PRPF6: variants seen among roughly 807,000 people sequenced by gnomAD.
PRPF6 encodes the protein pre-mRNA processing factor 6, also known as pre-mRNA-processing factor 6.
A neutral mutation model predicts 118.3 loss-of-function variants in PRPF6; 42 were observed. The ratio of observed to expected loss-of-function variants is 0.35; its 90% CI spans 0.28 to 0.46. The LOEUF (loss-of-function observed/expected upper bound fraction) is 0.46. PRPF6 is among the 20% of genes least tolerant of loss of function. The probability of loss-of-function intolerance (pLI) is 1.00; values close to 1 mark genes in which losing one functional copy is unlikely to be tolerated. For synonymous variants in PRPF6, 481 were observed against 485.1 expected (o/e 0.99, Z 0.11); for missense variants, 662 against 1,255.7 (o/e 0.53, Z 7.15).
intron 12 of PRPF6, among the ~76,000 whole-genome samples, chr20:64,021,830 TGTGTGTGTGC>T (rs2059266925): frequency 7.0e-6 from 1 of 142,638 alleles, no homozygotes; most frequent in Non-Finnish European, 1.5e-5. Context: ...GCCACAGCCC[TGTGTGTGTGC>T]GTGTGTATGC....
chr20:63,993,250 GTGTGTGTGTGTGTA>G (rs1569213260), intron 3 of PRPF6, among the ~76,000 whole-genome samples, 143 bp from the exon 4 acceptor site: 2 of 138,948 alleles, frequency 1.4e-5, no homozygotes, highest in African/African-American at 5.5e-5. Flanking sequence ...GTGTGTGTGT[GTGTGTGTGTGTGTA>G]TATGTATATA....
intron 1 of PRPF6, among the ~76,000 whole-genome samples, 177 bp downstream of exon 1, chr20:63,981,493 C>T (rs2059066856): frequency 6.6e-6 from 1 of 152,200 alleles, no homozygotes; most frequent in Non-Finnish European, 1.5e-5. Flanking sequence ...TGTGTGCACC[C>T]TGCTTGCCGC....
At chr20:64,024,795 C>G in intron 14 of PRPF6, 102 bp downstream of exon 14, 1 of 1,499,892 alleles carries the variant, frequency 6.7e-7, no homozygotes, top group Non-Finnish European at 9.0e-7. Context: ...GTGGCACGTG[C>G]TGTTGTTGGG....
rs778722070 is a variant in PRPF6, at chr20:64,001,209, A to G, written c.1156A>G (p.Ile386Val). Residue 386 changes from isoleucine (I) to valine (V), a missense_variant, in exon 9 of 21, where the codon ATT (isoleucine) becomes GTT (valine). Ile to Val is a conservative substitution (Grantham distance 29, BLOSUM62 3). Around this residue, in one of 10 missense-constraint regions of PRPF6, gnomAD observed 189 missense variants for 323.5 expected, o/e 0.58. Coordinates refer to ENST00000266079, the MANE Select transcript of PRPF6 (RefSeq NM_012469.4). ...CAGAGCCGCAGAGCTGGAAACGGAC[A>G]TTCGTGCAAAGAAGCGGGTTCTTCG... Reference protein sequence around the residue: ...YIRAAELETDIRAKKRVLRKA... With the variant: ...YIRAAELETDVRAKKRVLRKA... 2 of 1,614,258 alleles carry G rather than the reference A, an allele frequency of 1.2e-6. No homozygotes were observed. The highest frequency in any genetic ancestry group is 8.5e-7 in the Non-Finnish European group (1 of 1,180,044).
chr20:63,996,123 C>T (rs1362499338), intron 6 of PRPF6, among the ~76,000 whole-genome samples: 9 of 152,094 alleles, frequency 5.9e-5, no homozygotes, highest in Non-Finnish European at 8.8e-5. Flanking sequence ...TCAGATACCA[C>T]GAAGGAACAT....
intron 3 of PRPF6, among the ~76,000 whole-genome samples, chr20:63,987,512 T>G (rs898091329): frequency 6.6e-6 from 1 of 151,228 alleles, no homozygotes; most frequent in African/African-American, 2.4e-5. Context: ...GGCCCACAGC[T>G]CGTATCATAC....
At position 63,995,229 on chromosome 20, in the gene PRPF6, T is replaced by C. The variant is rs755861473; in HGVS notation, c.616-98T>C. The C allele has an allele frequency of 6.4e-4, 1,002 of 1,569,774 alleles. 2 individuals are homozygous for C. The highest frequency in any genetic ancestry group is 8.4e-4 in the Non-Finnish European group (961 of 1,148,552). On this transcript the variant is annotated intron_variant, in intron 5 of 20. Coordinates refer to ENST00000266079, the MANE Select transcript of PRPF6 (RefSeq NM_012469.4). ...CCGAGTCTGTCTGCACAGCTGTGCA[T>C]ATGTCAGGCCACTGGGGAAGTATTT...
At chr20:64,020,655 T>G (rs2059258438) in intron 12 of PRPF6, among the ~76,000 whole-genome samples, 1 of 152,210 alleles carries the variant, frequency 6.6e-6, no homozygotes, top group Non-Finnish European at 1.5e-5. Context: ...AAAAAAAGCC[T>G]GAAGAAAATA....
intron 9 of PRPF6, among the ~76,000 whole-genome samples, chr20:64,005,108 C>T (rs2059183919): frequency 6.6e-6 from 1 of 152,176 alleles, no homozygotes; most frequent in Non-Finnish European, 1.5e-5. Context: ...TCCACTTCTG[C>T]TCATAAAGTC....
intron 9 of PRPF6, among the ~76,000 whole-genome samples, chr20:64,007,055 G>A (rs569386949): frequency 6.6e-6 from 1 of 152,244 alleles, no homozygotes. Context: ...AGTGTGGGCT[G>A]AGGGAGGAAA....
At chr20:63,986,946 A>G (rs943775704) in intron 3 of PRPF6, among the ~76,000 whole-genome samples, 1 of 150,942 alleles carries the variant, frequency 6.6e-6, no homozygotes, top group Non-Finnish European at 1.5e-5. Context: ...AGGCGGGAGG[A>G]CTGCTTGATC....
In PRPF6 at chr20:64,016,907, C is replaced by T. The variant is rs116507546; in HGVS notation, c.1647+62C>T. The T allele has an allele frequency of 2.3e-3, 3,697 of 1,601,602 alleles. 74 individuals carry two copies. In the African/African-American group the frequency reaches 0.044, roughly 19 times the overall value. ...AGTCTCTGCTTGTGGGAACAGCAGG[C>T]ACCTTATAAACTACTAGGCTATTTT... is the stretch of plus-strand genomic sequence containing the variant. On this transcript the variant is annotated intron_variant, in intron 12 of 20. Transcript: ENST00000266079.
chr20:63,999,871 A>G, intron 8 of PRPF6, 112 bp downstream of exon 8: 2 of 1,354,494 alleles, frequency 1.5e-6, no homozygotes, highest in Non-Finnish European at 2.1e-6. Context: ...ACTACAGACA[A>G]TAGGGCAGGC....
rs757157978 is a variant in PRPF6, at chr20:64,026,164, C to T, written c.2028+106C>T. 4.2e-4 allele frequency: 655 copies of T among 1,544,086 alleles called. No individual in the cohort carries two copies. The highest frequency in any genetic ancestry group is 1.2e-3 in the South Asian group (102 of 88,246). ...TGGGAGTGAGATGACGGCAGGCAAA[C>T]GAGACCACAGCACACTCATCTTTGT... On this transcript the variant is annotated intron_variant, in intron 15 of 20. Coordinates refer to ENST00000266079, the MANE Select transcript of PRPF6 (RefSeq NM_012469.4). The surrounding 1 kb of genome is among the most constrained non-coding windows in gnomAD (Gnocchi z 4.4).
chr20:64,020,582 CT>C (rs1300230938), intron 12 of PRPF6, among the ~76,000 whole-genome samples: 5 of 151,960 alleles, frequency 3.3e-5, no homozygotes, highest in African/African-American at 1.2e-4. Context: ...TGGTGACTGG[CT>C]TTTTTGTTTT....
intron 11 of PRPF6, among the ~76,000 whole-genome samples, chr20:64,014,284 C>T (rs1366259354): frequency 1.3e-5 from 2 of 151,998 alleles, no homozygotes; most frequent in Non-Finnish European, 2.9e-5. Context: ...TTTTTCTGGA[C>T]ATTTTATATA....
rs151115692 is a variant in PRPF6 at position 64,029,732 on chromosome 20, C to T, written c.2546+241C>T. Among the ~76,000 whole-genome samples the T allele has an allele frequency of 1.4e-4, 16 of 111,932 alleles. No homozygotes were observed. The highest frequency in any genetic ancestry group is 3.2e-4 in the South Asian group (1 of 3,100). 73.4% of individuals were successfully genotyped at this position (111,932 alleles called of 152,430 possible). A position where few individuals can be genotyped will look rare whatever the true frequency, so the allele number is the denominator to read the frequency against. On this transcript the variant is annotated intron_variant, in intron 19 of 20. Coordinates refer to ENST00000266079, the MANE Select transcript of PRPF6 (RefSeq NM_012469.4). The surrounding 1 kb of genome is among the most constrained non-coding windows in gnomAD (Gnocchi z 4.8). ...CATGTGATTCACACTGGTGCGCTGG[C>T]CGCCGGGTCACAGACTCACTGGGGA...
At chr20:64,014,233 C>G (rs939233846) in intron 11 of PRPF6, among the ~76,000 whole-genome samples, 1 of 152,080 alleles carries the variant, frequency 6.6e-6, no homozygotes, top group African/African-American at 2.4e-5. Flanking sequence ...AGCCACCGTG[C>G]CTGTCTAACC....
rs1261847848 is a variant in PRPF6 at position 63,999,640 on chromosome 20, C to T, written c.904C>T (p.Arg302Trp). 4 of 1,614,146 alleles carry T rather than the reference C, an allele frequency of 2.5e-6. No individual in the cohort carries two copies. Among genetic ancestry groups the T allele is most frequent in the East Asian group, 2.2e-5 (1 of 44,884 alleles). The change falls in exon 8 of 21, where the codon CGG becomes TGG. Residue 302 changes from arginine to tryptophan, a missense_variant. Arg to Trp is a moderately radical substitution (Grantham distance 101). Transcript: ENST00000266079. The part of the protein sequence containing the change: ...KKARLLLKSV[R>W]ETNPHHPPAW... Reference sequence around the variant, plus strand: ...GGCGCGACTGCTCCTCAAGTCTGTTCGGGAGACGAACCCTCATCACCCGCC... The same window carrying T: ...GGCGCGACTGCTCCTCAAGTCTGTTTGGGAGACGAACCCTCATCACCCGCC...
Sources: gnomAD v4.1 joint callset for allele counts (sites outside exome capture counted in the v4.1 genomes callset) on GRCh38, gnomAD v4.1.1 for gene constraint, gnomAD v4.1.1 regional missense constraint, Gnocchi (gnomAD v3.1) non-coding constraint, MANE v1.5 for transcripts, NCBI Gene and HGNC (gene_info 2026-07-23, HGNC 2026-07-21) for gene names.